The following MDGA2 variants were observed in gnomAD, a reference collection of about 807,000 sequenced individuals.
MDGA2 encodes MAM domain containing glycosylphosphatidylinositol anchor 2, also known as MAM domain-containing glycosylphosphatidylinositol anchor protein 2.
A neutral mutation model predicts 117.8 loss-of-function variants in MDGA2; 40 were observed. The ratio of observed to expected loss-of-function variants is 0.34; its 90% CI spans 0.26 to 0.44. The LOEUF (loss-of-function observed/expected upper bound fraction) is 0.44. Among genes scored for constraint, MDGA2 ranks in the 20% least tolerant of loss-of-function variants. MDGA2 has a pLI of 1.00. For missense variants in MDGA2, 1,123 were observed against 1,250.6 expected, an observed-to-expected ratio of 0.90 and a Z score of 1.54; for synonymous variants, 452 against 439.0, an observed-to-expected ratio of 1.03 and a Z score of -0.37.
At chr14:46,975,625 A>G (rs1040895062) in intron 8 of MDGA2, among the ~76,000 whole-genome samples, 1 of 152,182 alleles carries the variant, frequency 6.6e-6, no homozygotes, top group African/African-American at 2.4e-5. Context: ...TCACTCACAT[A>G]GAGTACTTAG....
intron 1 of MDGA2, among the ~76,000 whole-genome samples, chr14:47,434,263 G>A (rs770438210): frequency 1.2e-4 from 18 of 152,026 alleles, no homozygotes; most frequent in Non-Finnish European, 2.1e-4. Context: ...CTCAGATACA[G>A]ACCCCCTTGA....
chr14:47,137,283 C>T lies in MDGA2; in HGVS notation c.793-5437G>A, dbSNP rs147593750. On this transcript the variant is annotated intron_variant, in intron 4 of 16. Transcript: ENST00000399232. ...TCCTAGTTAATTCTTATTCAGAGCACAGCAACAAAATTGGCATAGGAGAAG... is the reference window on the plus strand; with the variant it reads ...TCCTAGTTAATTCTTATTCAGAGCATAGCAACAAAATTGGCATAGGAGAAG... 2.1e-4 allele frequency among the ~76,000 whole-genome samples: 32 copies of T among 152,224 alleles called. No homozygotes were observed. The East Asian group carries it at 6.2e-3, about 29-fold the overall frequency.
chr14:47,550,957 T>C (rs78469565), intron 1 of MDGA2, among the ~76,000 whole-genome samples: 3 of 152,186 alleles, frequency 2.0e-5, no homozygotes, highest in African/African-American at 7.2e-5. Context: ...CCAGGCTGAA[T>C]TGATCTCTAT....
intron 10 of MDGA2, among the ~76,000 whole-genome samples, chr14:46,899,133 T>C (rs1381875430): frequency 2.0e-5 from 3 of 152,056 alleles, no homozygotes; most frequent in Non-Finnish European, 4.4e-5. Context: ...ACATCATTTT[T>C]ATAAGTCAGT....
chr14:47,632,557 T>C (rs1897260068), intron 1 of MDGA2, among the ~76,000 whole-genome samples: 1 of 152,338 alleles, frequency 6.6e-6, no homozygotes, highest in Middle Eastern at 3.4e-3. Context: ...GGTCCTACAG[T>C]TCCCTCAGAA....
At chr14:46,956,277 C>A (rs1885558672) in intron 9 of MDGA2, among the ~76,000 whole-genome samples, 1 of 151,840 alleles carries the variant, frequency 6.6e-6, no homozygotes, top group Admixed American at 6.6e-5. Context: ...ACTAACTTTA[C>A]CTATGACAAA....
chr14:46,872,499 A>G (rs1882047571), intron 14 of MDGA2, among the ~76,000 whole-genome samples: 1 of 151,922 alleles, frequency 6.6e-6, no homozygotes, highest in African/African-American at 2.4e-5. Flanking sequence ...GGGGTTAGAT[A>G]TACTTCATTA....
At chr14:47,122,241 A>G (rs1881689813) in intron 5 of MDGA2, among the ~76,000 whole-genome samples, 1 of 152,100 alleles carries the variant, frequency 6.6e-6, no homozygotes, top group Non-Finnish European at 1.5e-5. Context: ...ATACTACTCT[A>G]CTGTAGAGAG....
chr14:47,355,941 G>A (rs1268554341), intron 1 of MDGA2, among the ~76,000 whole-genome samples: 1 of 152,078 alleles, frequency 6.6e-6, no homozygotes, highest in East Asian at 1.9e-4. Context: ...AACCATTAAG[G>A]CAACCGCAGT....
intron 6 of MDGA2, among the ~76,000 whole-genome samples, chr14:47,068,400 TTAAG>T (rs1017696294): frequency 1.2e-5 from 1 of 82,572 alleles, no homozygotes; most frequent in Non-Finnish European, 2.3e-5. Flanking sequence ...TAATCCTATT[TTAAG>T]TAAGAAAAAA....
At chr14:47,232,015 G>A (rs571369875) in intron 2 of MDGA2, among the ~76,000 whole-genome samples, 65 of 152,092 alleles carry the variant, frequency 4.3e-4, no homozygotes, top group Admixed American at 1.0e-3. Flanking sequence ...ATGACCACAG[G>A]ATACAGTTTC....
In MDGA2 at chr14:47,015,794, C is replaced by G. The variant is rs1195198729; in HGVS notation, c.1819+19217G>C. On this transcript the variant is annotated intron_variant, in intron 8 of 16. Transcript: ENST00000399232. The stretch of plus-strand genomic sequence containing the variant: ...TAACATATGCTTCCAAATAAGAAGT[C>G]TGAGAAAGATACTGATAAAATTAGA... 3.9e-5 allele frequency among the ~76,000 whole-genome samples: 6 copies of G among 151,998 alleles called. No homozygotes were observed. In the East Asian group the frequency reaches 1.2e-3, roughly 29 times the overall value.
At chr14:47,328,929 T>G (rs899916712) in intron 1 of MDGA2, among the ~76,000 whole-genome samples, 8 of 152,182 alleles carry the variant, frequency 5.3e-5, no homozygotes, top group African/African-American at 1.9e-4. Flanking sequence ...ATTTGGTTGC[T>G]CTCACATTGT....
At chr14:47,113,761 A>G (rs1327264825) in intron 5 of MDGA2, among the ~76,000 whole-genome samples, 2 of 152,132 alleles carry the variant, frequency 1.3e-5, no homozygotes, top group African/African-American at 4.8e-5. Flanking sequence ...ACACCTCAAA[A>G]TAATAAGAGC....
At position 47,455,883 on chromosome 14, in the gene MDGA2, G is replaced by C. The variant is rs532141253; in HGVS notation, c.281-154333C>G. Among the ~76,000 whole-genome samples, 34 of 152,148 alleles carry C rather than the reference G, an allele frequency of 2.2e-4. No individual in the cohort carries two copies. In the South Asian group the frequency reaches 6.4e-3, roughly 29 times the overall value. On this transcript the variant is annotated intron_variant, in intron 1 of 16. Coordinates refer to ENST00000399232, the MANE Select transcript of MDGA2 (RefSeq NM_001113498.3). ...ATAGTGGTGGGTGCCTGTAATCCCA[G>C]TTACTCGGGAGGCTGAGACAGGAGA... is the stretch of plus-strand genomic sequence containing the variant.
At chr14:47,350,205 C>T (rs551685006) in intron 1 of MDGA2, among the ~76,000 whole-genome samples, 1 of 152,302 alleles carries the variant, frequency 6.6e-6, no homozygotes, top group South Asian at 2.1e-4. Flanking sequence ...CCACTTTATA[C>T]CATGATCTGC....
At chr14:47,354,479 C>T (rs1289771998) in intron 1 of MDGA2, among the ~76,000 whole-genome samples, 1 of 152,144 alleles carries the variant, frequency 6.6e-6, no homozygotes, top group African/African-American at 2.4e-5. Context: ...AAAAACCCCA[C>T]CCAGGGAGGA....
chr14:47,567,993 G>T (rs1301380501), intron 1 of MDGA2, among the ~76,000 whole-genome samples: 16 of 151,986 alleles, frequency 1.1e-4, no homozygotes, highest in Non-Finnish European at 4.4e-5. Flanking sequence ...TAGCCTTACA[G>T]GTTTCCTGGG....
chr14:47,184,900 A>T (rs1193337994), intron 3 of MDGA2, among the ~76,000 whole-genome samples: 1 of 151,578 alleles, frequency 6.6e-6, no homozygotes, highest in Admixed American at 6.6e-5. Context: ...AAATATAAAA[A>T]TAGAATGTGT....
Sources: allele counts gnomAD v4.1 joint callset (sites outside exome capture counted in the v4.1 genomes callset), GRCh38; gene constraint gnomAD v4.1.1; transcripts MANE v1.5; gene names NCBI Gene and HGNC (gene_info 2026-07-23, HGNC 2026-07-21).